The following CDH18 variants were observed in gnomAD, a reference collection of about 807,000 sequenced individuals.
CDH18 encodes cadherin-18.
In CDH18, 31 loss-of-function variants were observed where a neutral mutation model predicts 67.9. The ratio of observed to expected loss-of-function variants is 0.46; its 90% confidence interval spans 0.34 to 0.62. The LOEUF (loss-of-function observed/expected upper bound fraction) is 0.62. Among genes scored for constraint, CDH18 ranks in the 20% least tolerant of loss-of-function variants. CDH18 has a pLI of 0.01. For missense variants in CDH18, 890 were observed against 975.5 expected (o/e 0.91, Z 1.17); for synonymous variants, 362 against 347.2 (o/e 1.04, Z -0.48).
intron 2 of CDH18, among the ~76,000 whole-genome samples, chr5:19,933,439 A>AT (rs996072588): frequency 6.6e-6 from 1 of 151,284 alleles, no homozygotes; most frequent in Non-Finnish European, 1.5e-5. Context: ...TTCTTTACAT[A>AT]TTTTTACCAG....
At chr5:19,889,098 A>C (rs1228277010) in intron 2 of CDH18, among the ~76,000 whole-genome samples, 1 of 152,076 alleles carries the variant, frequency 6.6e-6, no homozygotes, top group Non-Finnish European at 1.5e-5. Flanking sequence ...TACTATGTAA[A>C]TGGTTGTTGT....
chr5:20,532,588 C>T (rs2126558951), intron 1 of CDH18, among the ~76,000 whole-genome samples: 1 of 152,152 alleles, frequency 6.6e-6, no homozygotes, highest in East Asian at 1.9e-4. Flanking sequence ...AGTCAGAGGT[C>T]CAAGATGATA....
intron 1 of CDH18, among the ~76,000 whole-genome samples, chr5:20,569,295 T>C (rs1207080841): frequency 1.3e-5 from 2 of 152,188 alleles, no homozygotes; most frequent in Non-Finnish European, 2.9e-5. Flanking sequence ...ATATAGCTTG[T>C]ACTACGAGCC....
At chr5:20,019,240 A>G (rs74989640) in intron 2 of CDH18, among the ~76,000 whole-genome samples, 4,255 of 152,318 alleles carry the variant, frequency 0.028, 91 homozygotes, top group Non-Finnish European at 0.042. Flanking sequence ...ACTATCTTTT[A>G]AAGCACAAAA....
intron 1 of CDH18, among the ~76,000 whole-genome samples, chr5:20,261,763 T>C (rs776375073): frequency 6.6e-6 from 1 of 152,092 alleles, no homozygotes; most frequent in Non-Finnish European, 1.5e-5. Flanking sequence ...AATAGTTATA[T>C]TCTGTGTGGT....
At chr5:20,111,094 T>G (rs963218094) in intron 2 of CDH18, among the ~76,000 whole-genome samples, 3 of 152,196 alleles carry the variant, frequency 2.0e-5, no homozygotes, top group Admixed American at 6.5e-5. Context: ...ATAGTTATTT[T>G]TCAAGTAAGG....
At chr5:19,827,327 C>CAAA (rs70954605) in intron 3 of CDH18, among the ~76,000 whole-genome samples, 2 of 124,998 alleles carry the variant, frequency 1.6e-5, no homozygotes, top group African/African-American at 5.8e-5. Context: ...GTTATCAAGG[C>CAAA]AAAAAAAAAA....
intron 1 of CDH18, among the ~76,000 whole-genome samples, chr5:20,410,199 CA>C (rs1478104775): frequency 5.2e-4 from 1 of 1,934 alleles, no homozygotes; most frequent in Non-Finnish European, 2.2e-3. Flanking sequence ...AAACTACAGA[CA>C]ATATACTAGA....
chr5:20,132,122 C>T (rs1281470353), intron 2 of CDH18, among the ~76,000 whole-genome samples: 1 of 152,116 alleles, frequency 6.6e-6, no homozygotes, highest in East Asian at 1.9e-4. Context: ...CTCCCAACCT[C>T]AGGTGCTCCG....
intron 3 of CDH18, among the ~76,000 whole-genome samples, chr5:19,749,692 A>C (rs1770582490): frequency 6.6e-6 from 1 of 151,040 alleles, no homozygotes. Context: ...AAATATATAT[A>C]CTATACACTA....
chr5:20,126,205 G>A (rs946876694), intron 2 of CDH18, among the ~76,000 whole-genome samples: 8 of 152,160 alleles, frequency 5.3e-5, no homozygotes, highest in African/African-American at 1.4e-4. Context: ...TAAAATACAC[G>A]CTACGAAAGG....
chr5:20,172,202 A>ACATATATATATACATATATATACG (rs372430630), intron 2 of CDH18, among the ~76,000 whole-genome samples: 1 of 46,042 alleles, frequency 2.2e-5, no homozygotes, highest in East Asian at 9.5e-4. Flanking sequence ...ATATATATAT[A>ACATATATATATACATATATATACG]TATATATATA....
intron 2 of CDH18, among the ~76,000 whole-genome samples, chr5:20,208,831 G>A (rs758886101): frequency 6.6e-6 from 1 of 151,764 alleles, no homozygotes; most frequent in Non-Finnish European, 1.5e-5. Context: ...ATTTGACAAG[G>A]GACTAATAAC....
intron 5 of CDH18, among the ~76,000 whole-genome samples, chr5:19,702,794 C>T (rs1451756845): frequency 6.6e-6 from 1 of 152,070 alleles, no homozygotes; most frequent in Non-Finnish European, 1.5e-5. Context: ...CTGTGACATG[C>T]TCATGATTGC....
At chr5:19,529,715 A>G (rs1184236903) in intron 9 of CDH18, among the ~76,000 whole-genome samples, 1 of 152,142 alleles carries the variant, frequency 6.6e-6, no homozygotes, top group Non-Finnish European at 1.5e-5. Context: ...CTTATATAAC[A>G]TGAATAAACA....
intron 1 of CDH18, among the ~76,000 whole-genome samples, chr5:20,368,983 T>G (rs758484029): frequency 7.9e-5 from 12 of 152,212 alleles, no homozygotes; most frequent in Non-Finnish European, 1.6e-4. Flanking sequence ...GCTTTCTTTT[T>G]CTCATTATGC....
chr5:20,255,158 G>A (rs1193143621), intron 2 of CDH18, among the ~76,000 whole-genome samples: 1 of 152,026 alleles, frequency 6.6e-6, no homozygotes, highest in East Asian at 1.9e-4. Flanking sequence ...AGGATGGGTT[G>A]AAAAACCACT....
intron 2 of CDH18, among the ~76,000 whole-genome samples, chr5:20,194,671 A>T (rs1368536017): frequency 7.7e-4 from 25 of 32,508 alleles, no homozygotes; most frequent in South Asian, 1.6e-3. Context: ...TTTTTTTTTA[A>T]AAAGAATGGT....
intron 1 of CDH18, among the ~76,000 whole-genome samples, chr5:20,310,376 C>G (rs1736876548): frequency 6.6e-6 from 1 of 152,110 alleles, no homozygotes; most frequent in African/African-American, 2.4e-5. Flanking sequence ...GCCCCATTTA[C>G]CATTATCACT....
Sources: allele counts gnomAD v4.1 joint callset (sites outside exome capture counted in the v4.1 genomes callset), GRCh38; gene constraint gnomAD v4.1.1; transcripts MANE v1.5; gene names NCBI Gene and HGNC (gene_info 2026-07-23, HGNC 2026-07-21).